Variants in ACTA2 observed in about 807,000 individuals in gnomAD.
ACTA2 encodes the protein actin alpha 2, smooth muscle.
ACTA2 carries 12 observed loss-of-function variants against 39.5 expected under a neutral mutation model. That is an observed-to-expected ratio of 0.30 (90% CI 0.19 to 0.49). The LOEUF is 0.49. Among genes scored for constraint, ACTA2 ranks in the 20% least tolerant of loss-of-function variants. The pLI is 0.99. For missense variants in ACTA2, 236 were observed against 498.8 expected, an observed-to-expected ratio of 0.47 and a Z score of 5.02; for synonymous variants, 158 against 180.6, an observed-to-expected ratio of 0.88 and a Z score of 1.00.
At chr10:88,969,789 C>T (rs1347022159) in intron 1 of ACTA2, among the ~76,000 whole-genome samples, 1 of 152,142 alleles carries the variant, frequency 6.6e-6, no homozygotes, top group Non-Finnish European at 1.5e-5. Flanking sequence ...ATACATCTTC[C>T]TCACCAGCCT....
intron 1 of ACTA2, among the ~76,000 whole-genome samples, chr10:88,979,516 C>A (rs887075271): frequency 9.2e-5 from 14 of 152,116 alleles, no homozygotes; most frequent in Non-Finnish European, 5.9e-5. Context: ...GTGTAGGCAG[C>A]AATAACCCTA....
chr10:88,981,254 GATA>G (rs1478707145), intron 1 of ACTA2, among the ~76,000 whole-genome samples: 3 of 152,186 alleles, frequency 2.0e-5, no homozygotes, highest in Non-Finnish European at 4.4e-5. Flanking sequence ...GTAAAATGAG[GATA>G]ATATTAGATG....
chr10:88,943,305 C>A (rs1845888887), intron 4 of ACTA2, among the ~76,000 whole-genome samples: 1 of 152,184 alleles, frequency 6.6e-6, no homozygotes, highest in Admixed American at 6.5e-5. Context: ...TGATACACAT[C>A]TGTCATTTCA....
intron 4 of ACTA2, 107 bp from the exon 5 acceptor site, chr10:88,941,976 G>T: frequency 1.0e-6 from 1 of 979,894 alleles, no homozygotes; most frequent in Non-Finnish European, 1.6e-6. Flanking sequence ...ACCTGTTCTG[G>T]GCAGAGGAGG....
chr10:88,962,957 A>G (rs1846257515), intron 1 of ACTA2, among the ~76,000 whole-genome samples: 1 of 27,958 alleles, frequency 3.6e-5, no homozygotes, highest in Admixed American at 3.2e-4. Context: ...ATATATATAT[A>G]TATATATATA....
At chr10:88,936,972 C>G (rs1845753013) in intron 8 of ACTA2, among the ~76,000 whole-genome samples, 1 of 152,198 alleles carries the variant, frequency 6.6e-6, no homozygotes, top group Admixed American at 6.5e-5. Flanking sequence ...CTGCCCAACT[C>G]TAGCAATAGC....
upstream of ACTA2, among the ~76,000 whole-genome samples, chr10:88,955,229 C>A (rs1846118657): frequency 6.6e-6 from 1 of 152,136 alleles, no homozygotes; most frequent in Non-Finnish European, 1.5e-5. Flanking sequence ...GCTGGGGCAG[C>A]ACTCTGTAGA....
intron 8 of ACTA2, among the ~76,000 whole-genome samples, chr10:88,936,292 G>A (rs1845737214): frequency 1.3e-5 from 2 of 152,108 alleles, no homozygotes; most frequent in Admixed American, 6.6e-5. Context: ...GTGGTTTTAT[G>A]TTTTGGTTTG....
chr10:88,986,051 T>C (rs1846872125), intron 1 of ACTA2, among the ~76,000 whole-genome samples: 1 of 152,204 alleles, frequency 6.6e-6, no homozygotes, highest in Non-Finnish European at 1.5e-5. Flanking sequence ...ACAAAATGAC[T>C]TAGGGAACAA....
rs933977745 is a variant in ACTA2, at chr10:88,986,067, G to T, written c.-24+4872C>A. Among the ~76,000 whole-genome samples the T allele has an allele frequency of 3.3e-5, 5 of 152,120 alleles. No individual in the cohort carries two copies. The East Asian group carries it at 9.6e-4, about 29-fold the overall frequency. Reference sequence around the variant, plus strand: ...CAAAATGACTTAGGGAACAAAATAAGTTGACTTAAAAATAAATTATTAGTT... The same window carrying T: ...CAAAATGACTTAGGGAACAAAATAATTTGACTTAAAAATAAATTATTAGTT... On this transcript the variant is annotated intron_variant, in intron 1 of 4. Coordinates refer to the ACTA2 transcript ENST00000415557.
chr10:88,957,635 T>C (rs552665201), upstream of ACTA2, among the ~76,000 whole-genome samples: 36 of 152,314 alleles, frequency 2.4e-4, no homozygotes, highest in African/African-American at 8.2e-4. Flanking sequence ...CTCATGCTGC[T>C]CCTCTGCCTG....
chr10:88,959,068 A>G (rs1564652060), intron 1 of ACTA2, among the ~76,000 whole-genome samples: 2 of 152,226 alleles, frequency 1.3e-5, no homozygotes, highest in African/African-American at 4.8e-5. Context: ...ACTTATTGCA[A>G]TGACGGAAAT....
chr10:88,948,745 T>G lies in ACTA2; in HGVS notation c.129+57A>C, dbSNP rs115232613. ...GAGATAGACAATCTGGGGATAAACA[T>G]GAACACAGAGGAACCTAATCTGTGT... On this transcript the variant is annotated intron_variant, in intron 2 of 8. Transcript: ENST00000224784. 1.9e-3 allele frequency: 3,055 copies of G among 1,610,034 alleles called. 45 individuals are homozygous for G. In the African/African-American group the frequency reaches 0.035, roughly 19 times the overall value.
chr10:88,961,313 G>C (rs1846222997), intron 1 of ACTA2, among the ~76,000 whole-genome samples: 2 of 152,128 alleles, frequency 1.3e-5, no homozygotes, highest in African/African-American at 4.8e-5. Flanking sequence ...TAAGTAAGTG[G>C]ATGCAAGATG....
chr10:88,960,390 T>G, intron 1 of ACTA2, among the ~76,000 whole-genome samples: 1 of 152,170 alleles, frequency 6.6e-6, no homozygotes, highest in East Asian at 1.9e-4. Context: ...TGATAGTCAC[T>G]TATTTAGTCT....
chr10:88,943,911 G>A lies in ACTA2; in HGVS notation c.259-4C>T. 1.2e-6 allele frequency: 2 copies of A among 1,612,884 alleles called. No individual in the cohort carries two copies. The highest frequency in any genetic ancestry group is 1.7e-6 in the Non-Finnish European group (2 of 1,178,916). On this transcript the variant is annotated splice_polypyrimidine_tract_variant and splice_region_variant and intron_variant, in intron 3 of 8. Coordinates refer to ENST00000224784, the MANE Select transcript of ACTA2 (RefSeq NM_001613.4). Reference sequence around the variant, plus strand: ...TGTAGAAAGAGTGGTGCCAGATCTAGTGAGTTGGGGGACAGAGGAGAAACA... The same window carrying A: ...TGTAGAAAGAGTGGTGCCAGATCTAATGAGTTGGGGGACAGAGGAGAAACA...
At chr10:88,979,058 G>A (rs1426510476) in intron 1 of ACTA2, among the ~76,000 whole-genome samples, 3 of 152,026 alleles carry the variant, frequency 2.0e-5, no homozygotes, top group African/African-American at 7.2e-5. Context: ...AAAACTGAAA[G>A]CTCAGAAAAC....
At chr10:88,980,518 C>T (rs1846685058) in intron 1 of ACTA2, among the ~76,000 whole-genome samples, 1 of 151,746 alleles carries the variant, frequency 6.6e-6, no homozygotes, top group South Asian at 2.1e-4. Context: ...TTTGTCATCC[C>T]CAGTAATCTG....
At chr10:88,952,974 A>G (rs59889518), upstream of ACTA2, among the ~76,000 whole-genome samples, 4,663 of 152,348 alleles carry the variant, frequency 0.031, 117 homozygotes, top group South Asian at 0.084. Flanking sequence ...TGCTCATGAA[A>G]CGGGAGGCGG....
Sources: gnomAD v4.1 joint callset for allele counts (sites outside exome capture counted in the v4.1 genomes callset) on GRCh38, gnomAD v4.1.1 for gene constraint, MANE v1.5 for transcripts, NCBI Gene and HGNC (gene_info 2026-07-23, HGNC 2026-07-21) for gene names.